Variants in CMIP observed in about 807,000 individuals in gnomAD.
The protein encoded by CMIP is C-Maf-inducing protein.
In CMIP, 13 loss-of-function variants were observed where a neutral mutation model predicts 97.3. The ratio of observed to expected loss-of-function variants is 0.13; its 90% CI spans 0.09 to 0.21. The LOEUF (loss-of-function observed/expected upper bound fraction) is 0.21, where lower values mean the gene tolerates loss of function less well. Among genes scored for constraint, CMIP ranks in the 10% least tolerant of loss-of-function variants. CMIP has a pLI of 1.00. For synonymous variants in CMIP, 538 were observed against 436.3 expected (o/e 1.23, Z -2.91); for missense variants, 847 against 1,024.9 (o/e 0.83, Z 2.37).
At chr16:81,496,849 GT>G (rs775117170) in intron 1 of CMIP, among the ~76,000 whole-genome samples, 1 of 152,264 alleles carries the variant, frequency 6.6e-6, no homozygotes, top group East Asian at 1.9e-4. Context: ...GAGCCAAGGG[GT>G]CAAAGGACAA....
At chr16:81,530,098 G>C (rs547165864) in intron 1 of CMIP, among the ~76,000 whole-genome samples, 304 of 152,274 alleles carry the variant, frequency 2.0e-3, no homozygotes, top group Non-Finnish European at 3.3e-3. Context: ...TTTCAGTCAG[G>C]CCGCTATAAA....
intron 1 of CMIP, among the ~76,000 whole-genome samples, chr16:81,557,581 A>G (rs2090790112): frequency 6.6e-6 from 1 of 152,234 alleles, no homozygotes; most frequent in African/African-American, 2.4e-5. Flanking sequence ...TGGGAGGACT[A>G]GGCAGCACAG....
At chr16:81,672,685 C>G (rs1273088777) in intron 9 of CMIP, among the ~76,000 whole-genome samples, 1 of 152,200 alleles carries the variant, frequency 6.6e-6, no homozygotes, top group Non-Finnish European at 1.5e-5. Context: ...AAGCCGTCCT[C>G]CCACCTCAGC....
At chr16:81,569,012 C>T (rs1053995546) in intron 1 of CMIP, among the ~76,000 whole-genome samples, 1 of 152,172 alleles carries the variant, frequency 6.6e-6, no homozygotes, top group Admixed American at 6.5e-5. Context: ...TAAATTAGAA[C>T]AGGGGGTGCA....
intron 3 of CMIP, among the ~76,000 whole-genome samples, chr16:81,642,137 C>T (rs1231247821): frequency 6.6e-6 from 1 of 152,248 alleles, no homozygotes; most frequent in Admixed American, 6.5e-5. Flanking sequence ...CGTCATTCAT[C>T]AGAACCCAGT....
chr16:81,509,519 A>C (rs2089771956), intron 1 of CMIP, among the ~76,000 whole-genome samples: 1 of 152,156 alleles, frequency 6.6e-6, no homozygotes, highest in Non-Finnish European at 1.5e-5. Flanking sequence ...AAAAATGGGA[A>C]TGACTTTCAT....
chr16:81,583,287 C>T (rs1433439301), intron 1 of CMIP, among the ~76,000 whole-genome samples: 1 of 152,260 alleles, frequency 6.6e-6, no homozygotes, highest in East Asian at 1.9e-4. Context: ...CCCACCCTGT[C>T]ACCGGCACTT....
At chr16:81,493,124 C>T (rs1172982255) in intron 1 of CMIP, among the ~76,000 whole-genome samples, 1 of 152,108 alleles carries the variant, frequency 6.6e-6, no homozygotes, top group Non-Finnish European at 1.5e-5. Flanking sequence ...TCCTGCCCCT[C>T]CAGGGTCTTG....
At chr16:81,478,149 C>G (rs1462385462) in intron 1 of CMIP, among the ~76,000 whole-genome samples, 1 of 152,142 alleles carries the variant, frequency 6.6e-6, no homozygotes, top group Non-Finnish European at 1.5e-5. Context: ...GGGCCAGTCT[C>G]CACTTCACTC....
At chr16:81,664,846 A>C (rs1323605353) in intron 7 of CMIP, 1 of 205,810 alleles carries the variant, frequency 4.9e-6, no homozygotes, top group East Asian at 1.1e-4. Flanking sequence ...CCTTCATAGG[A>C]CGTATAAAAA....
At chr16:81,626,817 G>GT (rs1597163111) in intron 3 of CMIP, among the ~76,000 whole-genome samples, 3 of 131,342 alleles carry the variant, frequency 2.3e-5, no homozygotes, top group South Asian at 2.8e-4. Flanking sequence ...GTGTGTGTGT[G>GT]GGGTGCATAT....
At position 81,701,580 on chromosome 16, in the gene CMIP, C is replaced by G. The variant is rs1277846834; in HGVS notation, c.1756-80C>G. ...ATAGTGGGGTTGCTGGTTTTCAAAACAAGGCCCTTGGGGTGCACAGAGTGT... is the reference window on the plus strand; with the variant it reads ...ATAGTGGGGTTGCTGGTTTTCAAAAGAAGGCCCTTGGGGTGCACAGAGTGT... On this transcript the variant is annotated intron_variant, in intron 15 of 20. Coordinates refer to ENST00000537098, the MANE Select transcript of CMIP (RefSeq NM_198390.3). 2.5e-6 allele frequency: 4 copies of G among 1,595,118 alleles called. No individual in the cohort carries two copies. The African/African-American group carries it at 4.0e-5, about 16-fold the overall frequency.
intron 1 of CMIP, among the ~76,000 whole-genome samples, chr16:81,468,517 C>T (rs1038957485): frequency 2.0e-5 from 3 of 152,390 alleles, no homozygotes; most frequent in Admixed American, 2.0e-4. Context: ...CTGCGCGTGC[C>T]GTGCCCTCTG....
In CMIP at chr16:81,667,711, C is replaced by G. The variant is rs1365840777; in HGVS notation, c.826-2431C>G. Among the ~76,000 whole-genome samples the G allele has an allele frequency of 2.9e-5, 4 of 136,022 alleles. No individual in the cohort carries two copies. In the East Asian group the frequency reaches 7.4e-4, roughly 25 times the overall value. The allele number at this position is 136,022 out of a possible 152,430, so 89.2% of individuals were successfully genotyped here. On this transcript the variant is annotated intron_variant, in intron 7 of 20. Transcript: ENST00000537098. The stretch of plus-strand genomic sequence containing the variant: ...TGGCAGCCCAAAGCCAGATTAAATA[C>G]TTGTGAGGCAGAGGCCTCATTTTCT...
chr16:81,614,373 C>T lies in CMIP; in HGVS notation c.427-6503C>T, dbSNP rs1056791100. 3.3e-5 allele frequency among the ~76,000 whole-genome samples: 5 copies of T among 152,072 alleles called. No homozygotes were observed. Among genetic ancestry groups the T allele is most frequent in the African/African-American group, 1.2e-4 (5 of 41,402 alleles). On this transcript the variant is annotated intron_variant, in intron 2 of 20. Transcript: ENST00000537098. This position sits in a 1 kb window ranked among gnomAD's most constrained non-coding sequence, Gnocchi z 5.3. ...GGAAGGGAGTGTGCCAAGCGGTGCA[C>T]GGGTTCTCAGGGGCTCCCACGCGCG...
chr16:81,538,426 A>G (rs2090387908), intron 1 of CMIP, among the ~76,000 whole-genome samples: 1 of 152,198 alleles, frequency 6.6e-6, no homozygotes, highest in Non-Finnish European at 1.5e-5. Context: ...CTTCATCATC[A>G]TTAGTGAATG....
chr16:81,692,037 G>T (rs1236727426), intron 11 of CMIP, among the ~76,000 whole-genome samples, 197 bp downstream of exon 11: 2 of 152,116 alleles, frequency 1.3e-5, no homozygotes, highest in Non-Finnish European at 2.9e-5. Flanking sequence ...TCAGAAAAAT[G>T]GGGAACTCAG....
Position 81,453,791 on chromosome 16 carries a change from G to A in CMIP, c.300+8250G>A, listed in dbSNP as rs1176011701. ...TGTGAAATGGGTCTGCCCTCCCCTA[G>A]GTCCTTCATTGTCAGGGGGATGGGG... On this transcript the variant is annotated intron_variant, in intron 1 of 20. Coordinates refer to ENST00000537098, the MANE Select transcript of CMIP (RefSeq NM_198390.3). The surrounding 1 kb of genome is among the most constrained non-coding windows in gnomAD (Gnocchi z 4.0). Among the ~76,000 whole-genome samples the A allele has an allele frequency of 6.6e-6, 1 of 152,214 alleles. No homozygotes were observed. Among genetic ancestry groups the A allele is most frequent in the Non-Finnish European group, 1.5e-5 (1 of 68,040 alleles).
chr16:81,560,218 GTTTTGTTTTTTTTT>G (rs1477091975), intron 1 of CMIP, among the ~76,000 whole-genome samples: 32 of 109,966 alleles, frequency 2.9e-4, no homozygotes, highest in Non-Finnish European at 1.8e-4. Flanking sequence ...TTTTTGTTTT[GTTTTGTTTTTTTTT>G]TTTTGAGACA....
Sources: gnomAD v4.1 joint callset for allele counts (sites outside exome capture counted in the v4.1 genomes callset) on GRCh38, gnomAD v4.1.1 for gene constraint, Gnocchi (gnomAD v3.1) non-coding constraint, MANE v1.5 for transcripts, NCBI Gene and HGNC (gene_info 2026-07-23, HGNC 2026-07-21) for gene names.